The following AGBL4 variants were observed in gnomAD, a reference collection of about 807,000 sequenced individuals.
The protein encoded by AGBL4 is AGBL carboxypeptidase 4, also known as cytosolic carboxypeptidase 6.
In AGBL4, 58 loss-of-function variants were observed where a neutral mutation model predicts 66.4. The ratio of observed to expected loss-of-function variants is 0.87; its 90% CI spans 0.71 to 1.09. AGBL4 has a LOEUF of 1.09. Ranked by LOEUF, AGBL4 falls within the 50% of genes least tolerant of loss-of-function variation. The probability of loss-of-function intolerance (pLI) is 0.00; values close to 1 mark genes in which losing one functional copy is unlikely to be tolerated. For synonymous variants in AGBL4, 234 were observed against 222.9 expected (o/e 1.05, Z -0.44); for missense variants, 579 against 631.0 (o/e 0.92, Z 0.88).
intron 4 of AGBL4, among the ~76,000 whole-genome samples, chr1:49,141,527 A>T (rs1243064440): frequency 6.6e-6 from 1 of 152,140 alleles, no homozygotes; most frequent in Non-Finnish European, 1.5e-5. Flanking sequence ...CCTTTATTAA[A>T]TTATCCTCAA....
chr1:49,421,094 T>C (rs953656956), intron 3 of AGBL4, among the ~76,000 whole-genome samples: 2 of 152,214 alleles, frequency 1.3e-5, no homozygotes, highest in African/African-American at 2.4e-5. Context: ...ATTGGAATAT[T>C]GACTATACCA....
intron 3 of AGBL4, among the ~76,000 whole-genome samples, chr1:49,335,608 C>T (rs1208363039): frequency 6.6e-6 from 1 of 152,048 alleles, no homozygotes; most frequent in Admixed American, 6.6e-5. Context: ...CTCCGCCTCC[C>T]AGGTTCATGC....
intron 3 of AGBL4, among the ~76,000 whole-genome samples, chr1:49,270,770 T>C (rs992281008): frequency 3.3e-5 from 5 of 152,312 alleles, no homozygotes; most frequent in Non-Finnish European, 7.4e-5. Flanking sequence ...AAGTACATCA[T>C]TGGGAATTCT....
intron 6 of AGBL4, among the ~76,000 whole-genome samples, chr1:48,783,494 T>C (rs192076661): frequency 6.6e-6 from 1 of 152,164 alleles, no homozygotes; most frequent in Admixed American, 6.5e-5. Flanking sequence ...GTCATGTAGA[T>C]GACAGATTGG....
intron 3 of AGBL4, among the ~76,000 whole-genome samples, chr1:49,528,407 T>A (rs1650839899): frequency 6.6e-6 from 1 of 152,072 alleles, no homozygotes; most frequent in Non-Finnish European, 1.5e-5. Flanking sequence ...TTTGGCTCCA[T>A]AAACTTGTTA....
At chr1:49,091,588 G>C (rs1645004388) in intron 4 of AGBL4, among the ~76,000 whole-genome samples, 1 of 152,084 alleles carries the variant, frequency 6.6e-6, no homozygotes, top group African/African-American at 2.4e-5. Context: ...GGTGGAAATG[G>C]AAATAGTTCA....
intron 3 of AGBL4, among the ~76,000 whole-genome samples, chr1:49,577,835 CT>C (rs1571089563): frequency 6.6e-6 from 1 of 152,204 alleles, no homozygotes; most frequent in East Asian, 1.9e-4. Context: ...GGTTACAATA[CT>C]TTGCAGGGCT....
intron 3 of AGBL4, among the ~76,000 whole-genome samples, chr1:49,269,449 C>A (rs1644005663): frequency 6.6e-6 from 1 of 152,128 alleles, no homozygotes; most frequent in African/African-American, 2.4e-5. Flanking sequence ...TCTGTGTCTG[C>A]AGAGAATTTG....
chr1:49,041,877 T>A (rs1643951032), intron 5 of AGBL4, among the ~76,000 whole-genome samples: 1 of 152,128 alleles, frequency 6.6e-6, no homozygotes, highest in South Asian at 2.1e-4. Context: ...ACTACCACCA[T>A]CAGGCAATGG....
At chr1:49,806,136 A>G (rs906724438) in intron 2 of AGBL4, among the ~76,000 whole-genome samples, 1 of 152,188 alleles carries the variant, frequency 6.6e-6, no homozygotes, top group Non-Finnish European at 1.5e-5. Context: ...GCTCTGATGA[A>G]GGCTTAGAAG....
At chr1:49,845,537 C>A (rs1646118002) in intron 2 of AGBL4, 3 of 1,591,124 alleles carry the variant, frequency 1.9e-6, no homozygotes, top group Non-Finnish European at 2.6e-6. Flanking sequence ...CATAGCTAGT[C>A]CTTGACCAAA....
chr1:49,049,988 A>C (rs1644174702), intron 4 of AGBL4, among the ~76,000 whole-genome samples: 2 of 152,112 alleles, frequency 1.3e-5, no homozygotes, highest in Admixed American at 1.3e-4. Flanking sequence ...TATGGAAATA[A>C]AGGTAGAGTC....
At chr1:49,972,709 A>C (rs1658238291) in intron 1 of AGBL4, among the ~76,000 whole-genome samples, 1 of 152,166 alleles carries the variant, frequency 6.6e-6, no homozygotes, top group Non-Finnish European at 1.5e-5. Flanking sequence ...GTGTTCTATC[A>C]TATTATTGTT....
intron 5 of AGBL4, among the ~76,000 whole-genome samples, chr1:49,024,374 A>G (rs1320885760): frequency 6.6e-6 from 1 of 152,008 alleles, no homozygotes; most frequent in Non-Finnish European, 1.5e-5. Context: ...CCCATTATAT[A>G]CCCTGTAAGA....
chr1:48,920,127 T>C (rs2148890990), intron 5 of AGBL4, among the ~76,000 whole-genome samples: 1 of 152,328 alleles, frequency 6.6e-6, no homozygotes, highest in South Asian at 2.1e-4. Context: ...TCTGTCACCC[T>C]ATGCAATCAT....
chr1:49,127,172 C>T (rs1423264575), intron 4 of AGBL4, among the ~76,000 whole-genome samples: 1 of 152,176 alleles, frequency 6.6e-6, no homozygotes, highest in East Asian at 1.9e-4. Flanking sequence ...GCCTTGTCAT[C>T]ACCAGGCTTT....
chr1:49,973,413 A>T (rs1232821871), intron 1 of AGBL4, among the ~76,000 whole-genome samples: 1 of 152,118 alleles, frequency 6.6e-6, no homozygotes, highest in Admixed American at 6.5e-5. Context: ...ATAGCTACAC[A>T]TGGCTAGCAG....
intron 11 of AGBL4, among the ~76,000 whole-genome samples, chr1:48,541,765 A>G (rs1644074767): frequency 6.6e-6 from 1 of 152,228 alleles, no homozygotes; most frequent in African/African-American, 2.4e-5. Context: ...GTGAAACTCC[A>G]TCTCCAGAAA....
At chr1:49,268,000 G>A (rs941628052) in intron 3 of AGBL4, 1 of 151,848 alleles carries the variant, frequency 6.6e-6, no homozygotes, top group Non-Finnish European at 1.5e-5. Context: ...ATTTGAGTGG[G>A]GACACAGCAA....
Sources: gnomAD v4.1 joint callset for allele counts (sites outside exome capture counted in the v4.1 genomes callset) on GRCh38, gnomAD v4.1.1 for gene constraint, MANE v1.5 for transcripts, NCBI Gene and HGNC (gene_info 2026-07-23, HGNC 2026-07-21) for gene names.